The following KCNT1 variants were observed in gnomAD, a reference collection of about 807,000 sequenced individuals.
KCNT1 encodes the protein potassium sodium-activated channel subfamily T member 1, also known as potassium channel subfamily T member 1.
Under a neutral mutation model 147.8 loss-of-function variants are expected in KCNT1, and 78 were observed. The ratio of observed to expected loss-of-function variants is 0.53; its 90% CI spans 0.44 to 0.64. The LOEUF is 0.64. KCNT1 is among the 30% of genes least tolerant of loss of function. The pLI, the probability that KCNT1 is intolerant of heterozygous loss-of-function variation, is 0.00. For missense variants in KCNT1, 1,419 were observed against 1,750.3 expected, an observed-to-expected ratio of 0.81 and a Z score of 3.38; for synonymous variants, 867 against 748.8, an observed-to-expected ratio of 1.16 and a Z score of -2.58.
At chr9:135,732,026 A>AGAGAGAGG (rs1836498665) in intron 2 of KCNT1, among the ~76,000 whole-genome samples, 4 of 131,766 alleles carry the variant, frequency 3.0e-5, no homozygotes, top group East Asian at 2.3e-4. Flanking sequence ...AGAGAGAGAG[A>AGAGAGAGG]GAGAGAGAGA....
Position 135,752,998 on chromosome 9 carries a change from GTGGA to G in KCNT1, c.435-926_435-923del, listed in dbSNP as rs1044036175. ...GATGAGCAGATGGTTGGAGGGATGA[GTGGA>G]TGGATGGATGGAGGGATGGATGGAT... On this transcript the variant is annotated intron_variant, in intron 4 of 30. Coordinates refer to ENST00000371757, the MANE Select transcript of KCNT1 (RefSeq NM_020822.3). The surrounding 1 kb of genome is among the most constrained non-coding windows in gnomAD (Gnocchi z 5.1). Among the ~76,000 whole-genome samples the G allele has an allele frequency of 1.1e-4, 17 of 149,792 alleles. No homozygotes were observed. Among genetic ancestry groups the G allele is most frequent in the African/African-American group, 3.9e-4 (16 of 40,546 alleles).
intron 1 of KCNT1, among the ~76,000 whole-genome samples, chr9:135,713,934 G>A (rs1835610413): frequency 6.6e-6 from 1 of 152,204 alleles, no homozygotes; most frequent in Non-Finnish European, 1.5e-5. Flanking sequence ...CTCACCTGGT[G>A]ACAGTGGCAG....
intron 1 of KCNT1, among the ~76,000 whole-genome samples, chr9:135,710,887 C>T (rs950970037): frequency 1.3e-5 from 2 of 152,194 alleles, no homozygotes; most frequent in African/African-American, 2.4e-5. Context: ...CTCCGTCTTC[C>T]GCCAGCGACA....
intron 2 of KCNT1, among the ~76,000 whole-genome samples, chr9:135,747,177 C>T (rs779973801): frequency 3.3e-5 from 5 of 152,028 alleles, no homozygotes; most frequent in Non-Finnish European, 7.4e-5. Flanking sequence ...TCGGGGAGGC[C>T]GTGCTGAGAG....
chr9:135,772,783 A>T lies in KCNT1; in HGVS notation c.2077A>T (p.Ser693Cys). Residue 693 changes from serine (S) to cysteine (C), a missense_variant, in exon 19 of 31, where the codon AGC (serine) becomes TGC (cysteine). Transcript: ENST00000371757. ...PTQSGGGGGGSKLALPTENGS... is the reference protein window; with the variant it reads ...PTQSGGGGGGCKLALPTENGS... ...GCAGAGCGGCGGTGGGGGCGGGGGC[A>T]GCAAGCTGGCACTGCCCACGGAGAA... 1 of 1,491,494 alleles carries T rather than the reference A, an allele frequency of 6.7e-7. No homozygotes were observed. Among genetic ancestry groups the T allele is most frequent in the Non-Finnish European group, 8.9e-7 (1 of 1,118,420 alleles). 92.4% of individuals were successfully genotyped at this position (1,491,494 alleles called of 1,614,324 possible).
chr9:135,723,747 G>T (rs1033901729), intron 2 of KCNT1, among the ~76,000 whole-genome samples: 23 of 152,294 alleles, frequency 1.5e-4, no homozygotes, highest in South Asian at 1.5e-3. Context: ...TGATGATTCT[G>T]CCAGTCTGGC....
intron 9 of KCNT1, among the ~76,000 whole-genome samples, chr9:135,758,080 C>T (rs1238534531): frequency 6.6e-6 from 1 of 152,106 alleles, no homozygotes; most frequent in African/African-American, 2.4e-5. Context: ...AGCGGAGACG[C>T]AGGTGTGGCC....
intron 2 of KCNT1, among the ~76,000 whole-genome samples, chr9:135,747,585 C>G (rs13300837): frequency 0.1 from 15,384 of 152,254 alleles, 1,142 homozygotes; most frequent in South Asian, 0.18. Context: ...GACAGACCCC[C>G]CAAAGAGACA....
At chr9:135,757,418 G>A in intron 9 of KCNT1, 37 bp downstream of exon 9, 2 of 1,574,918 alleles carry the variant, frequency 1.3e-6, no homozygotes, top group Non-Finnish European at 1.7e-6. Context: ...GGACTTGGGG[G>A]GGCCACCCTC....
At chr9:135,785,378 A>T (rs897012446) in intron 28 of KCNT1, 48 bp downstream of exon 28, 1 of 1,611,298 alleles carries the variant, frequency 6.2e-7, no homozygotes. Context: ...GCACCAGAAC[A>T]TCGCAGCTTC....
chr9:135,768,550 C>A, intron 13 of KCNT1, 60 bp from the exon 14 acceptor site: 1 of 1,413,004 alleles, frequency 7.1e-7, no homozygotes, highest in Non-Finnish European at 9.7e-7. Context: ...ACCTCCGCAC[C>A]CCCGGCTGCA....
At chr9:135,717,685 C>T (rs908115628) in intron 2 of KCNT1, among the ~76,000 whole-genome samples, 12 of 152,226 alleles carry the variant, frequency 7.9e-5, no homozygotes, top group South Asian at 2.1e-4. Flanking sequence ...GAAATTGCCT[C>T]GACTGGATGT....
At chr9:135,729,610 C>T (rs1836350022) in intron 2 of KCNT1, among the ~76,000 whole-genome samples, 1 of 152,322 alleles carries the variant, frequency 6.6e-6, no homozygotes, top group East Asian at 1.9e-4. Flanking sequence ...CGTTACGCAA[C>T]AGAGGTAGCA....
intron 11 of KCNT1, among the ~76,000 whole-genome samples, chr9:135,764,042 C>T (rs756282056): frequency 6.6e-6 from 1 of 152,164 alleles, no homozygotes; most frequent in Non-Finnish European, 1.5e-5. Context: ...AGTGGAGCCT[C>T]GTCACCGGAA....
intron 1 of KCNT1, among the ~76,000 whole-genome samples, chr9:135,713,016 G>A (rs972920134): frequency 4.6e-5 from 7 of 152,224 alleles, no homozygotes; most frequent in African/African-American, 1.7e-4. Context: ...CCAAGCCCCT[G>A]AGCTTGTCCA....
At chr9:135,791,750 G>C (rs776503344) in intron 29 of KCNT1, 47 bp from the exon 30 acceptor site, 1 of 1,537,700 alleles carries the variant, frequency 6.5e-7, no homozygotes, top group Non-Finnish European at 9.0e-7. Context: ...AGAGCTGGGA[G>C]GGGCAGGGCT....
chr9:135,791,716 G>GC (rs1834543495), intron 29 of KCNT1, 81 bp from the exon 30 acceptor site: 7 of 1,192,834 alleles, frequency 5.9e-6, no homozygotes, highest in East Asian at 4.7e-5. Context: ...TCATCCTGGA[G>GC]CCCCCACACC....
intron 2 of KCNT1, among the ~76,000 whole-genome samples, chr9:135,733,175 T>C (rs1588281037): frequency 1.3e-5 from 2 of 149,864 alleles, no homozygotes; most frequent in Admixed American, 6.6e-5. Flanking sequence ...AGTGCAGCCC[T>C]CATACCTGCC....
chr9:135,758,369 G>A lies in KCNT1; in HGVS notation c.760-45G>A, dbSNP rs1409816581. 2.1e-6 allele frequency: 3 copies of A among 1,415,948 alleles called. No individual in the cohort carries two copies. The African/African-American group carries it at 4.2e-5, about 20-fold the overall frequency. 87.7% of individuals were successfully genotyped at this position (1,415,948 alleles called of 1,614,324 possible). A position where few individuals can be genotyped will look rare whatever the true frequency, so the allele number is the denominator to read the frequency against. ...AGTCTCTATTCATTGGCTCCTGGCG[G>A]GGTCCACAGTCCCTGCCCGCTGACA... On this transcript the variant is annotated intron_variant, in intron 9 of 30. Coordinates refer to ENST00000371757, the MANE Select transcript of KCNT1 (RefSeq NM_020822.3).
Sources: allele counts gnomAD v4.1 joint callset (sites outside exome capture counted in the v4.1 genomes callset), GRCh38; gene constraint gnomAD v4.1.1; non-coding constraint Gnocchi (gnomAD v3.1); transcripts MANE v1.5; gene names NCBI Gene and HGNC (gene_info 2026-07-23, HGNC 2026-07-21).